PDLIM5: variants seen among roughly 807,000 people sequenced by gnomAD.
The protein encoded by PDLIM5 is PDZ and LIM domain protein 5.
In PDLIM5, 34 loss-of-function variants were observed where a neutral mutation model predicts 64.2. The ratio of observed to expected loss-of-function variants is 0.53; its 90% confidence interval spans 0.40 to 0.71. The LOEUF is 0.71. Among genes scored for constraint, PDLIM5 ranks in the 30% least tolerant of loss-of-function variants. The pLI, the probability that PDLIM5 is intolerant of heterozygous loss-of-function variation, is 0.00. For synonymous variants in PDLIM5, 253 were observed against 269.1 expected, an observed-to-expected ratio of 0.94 and a Z score of 0.59; for missense variants, 683 against 733.6, an observed-to-expected ratio of 0.93 and a Z score of 0.80.
At chr4:94,509,139 A>G (rs192475823) in intron 2 of PDLIM5, among the ~76,000 whole-genome samples, 3 of 152,304 alleles carry the variant, frequency 2.0e-5, no homozygotes, top group Admixed American at 1.3e-4. Flanking sequence ...TCATTATATC[A>G]TAATGGCCCA....
chr4:94,525,277 G>A (rs994242521), intron 3 of PDLIM5, among the ~76,000 whole-genome samples: 1 of 152,010 alleles, frequency 6.6e-6, no homozygotes, highest in African/African-American at 2.4e-5. Context: ...AAATTAGATG[G>A]GTGTGGTGGT....
intron 3 of PDLIM5, among the ~76,000 whole-genome samples, chr4:94,564,414 C>G (rs547382628): frequency 2.0e-5 from 3 of 152,136 alleles, no homozygotes; most frequent in Non-Finnish European, 4.4e-5. Flanking sequence ...CCCACTGGTA[C>G]ATTCCTGCCT....
intron 5 of PDLIM5, among the ~76,000 whole-genome samples, chr4:94,581,798 T>C (rs967903763): frequency 9.9e-5 from 15 of 152,226 alleles, no homozygotes; most frequent in African/African-American, 3.4e-4. Flanking sequence ...TACTGTAATA[T>C]GAATGTGTTG....
intron 7 of PDLIM5, chr4:94,611,295 C>T (rs973358986): frequency 1.2e-5 from 13 of 1,077,490 alleles, no homozygotes; most frequent in Non-Finnish European, 1.7e-5. Context: ...CAGGTGAGAA[C>T]ATGCTAGAGT....
chr4:94,535,712 G>A (rs894826672), intron 3 of PDLIM5, among the ~76,000 whole-genome samples: 21 of 152,088 alleles, frequency 1.4e-4, no homozygotes, highest in Admixed American at 1.1e-3. Flanking sequence ...TTTAAGATTC[G>A]TGTTTCAGCA....
intron 8 of PDLIM5, among the ~76,000 whole-genome samples, chr4:94,632,879 A>G (rs1039156877): frequency 2.6e-5 from 4 of 152,120 alleles, no homozygotes; most frequent in African/African-American, 9.7e-5. Context: ...AAATAGCCCT[A>G]CCAACACCTT....
chr4:94,614,892 C>T (rs1256415325), intron 7 of PDLIM5, among the ~76,000 whole-genome samples: 1 of 151,958 alleles, frequency 6.6e-6, no homozygotes, highest in South Asian at 2.1e-4. Context: ...GGGTCAATAC[C>T]CTGCACCCAA....
chr4:94,491,828 A>G (rs1726901832), intron 2 of PDLIM5, among the ~76,000 whole-genome samples: 2 of 152,134 alleles, frequency 1.3e-5, no homozygotes, highest in Non-Finnish European at 2.9e-5. Context: ...GTTTTGATAT[A>G]TGTAAACAAT....
In PDLIM5 at chr4:94,508,816, A is replaced by G. The variant is rs1224882431; in HGVS notation, c.97-14908A>G. On this transcript the variant is annotated intron_variant, in intron 2 of 12. Transcript: ENST00000317968. ...AAAAACTGTGATTACTTTTGCACCAACCTAATATGACTTTTGGCAGCCTTG... is the reference window on the plus strand; with the variant it reads ...AAAAACTGTGATTACTTTTGCACCAGCCTAATATGACTTTTGGCAGCCTTG... Among the ~76,000 whole-genome samples, 4 of 152,186 alleles carry G rather than the reference A, an allele frequency of 2.6e-5. No individual in the cohort carries two copies. The East Asian group carries it at 5.8e-4, about 22-fold the overall frequency.
chr4:94,639,779 T>C (rs1740851304), intron 8 of PDLIM5, among the ~76,000 whole-genome samples: 1 of 152,158 alleles, frequency 6.6e-6, no homozygotes, highest in Non-Finnish European at 1.5e-5. Flanking sequence ...ACCTTAACCA[T>C]GTCTTCTCGT....
chr4:94,470,173 C>T (rs1724736369), intron 2 of PDLIM5, among the ~76,000 whole-genome samples: 1 of 151,916 alleles, frequency 6.6e-6, no homozygotes, highest in Non-Finnish European at 1.5e-5. Context: ...ACCATGTTAG[C>T]CAGTATGGTC....
chr4:94,578,801 A>G (rs1735497595), intron 5 of PDLIM5, among the ~76,000 whole-genome samples: 1 of 152,074 alleles, frequency 6.6e-6, no homozygotes, highest in South Asian at 2.1e-4. Flanking sequence ...GAGAGTTGTT[A>G]CCTTATATTT....
Position 94,664,119 on chromosome 4 carries a change from A to T in PDLIM5, c.*52A>T. 7.1e-7 allele frequency: 1 copy of T among 1,414,928 alleles called. No individual in the cohort carries two copies. The highest frequency in any genetic ancestry group is 9.5e-7 in the Non-Finnish European group (1 of 1,050,826). 87.6% of individuals were successfully genotyped at this position (1,414,928 alleles called of 1,614,324 possible). On this transcript the variant is annotated 3_prime_UTR_variant, in exon 13 of 13. Transcript: ENST00000317968. Reference sequence around the variant, plus strand: ...GAATTTGAAGAGAAAAAGGAAAATTAAAATTACTAATTAATTTTTAGATTC... The same window carrying T: ...GAATTTGAAGAGAAAAAGGAAAATTTAAATTACTAATTAATTTTTAGATTC...
intron 2 of PDLIM5, among the ~76,000 whole-genome samples, chr4:94,522,237 C>T (rs1332896908): frequency 1.3e-5 from 2 of 152,148 alleles, no homozygotes; most frequent in African/African-American, 2.4e-5. Context: ...GAACGACCTT[C>T]CCGAAGTCCC....
intron 7 of PDLIM5, among the ~76,000 whole-genome samples, chr4:94,604,756 A>G (rs1036181486): frequency 6.6e-6 from 1 of 152,232 alleles, no homozygotes; most frequent in African/African-American, 2.4e-5. Flanking sequence ...ATGCAAGATG[A>G]AAAACTTCTG....
chr4:94,457,564 GA>G (rs1271863225), intron 2 of PDLIM5, among the ~76,000 whole-genome samples: 3 of 151,856 alleles, frequency 2.0e-5, no homozygotes, highest in Non-Finnish European at 2.9e-5. Context: ...CTTTTTTGCT[GA>G]AAAAAAGTTC....
intron 5 of PDLIM5, 25 bp from the exon 6 acceptor site, chr4:94,585,540 A>ATT: frequency 1.8e-5 from 24 of 1,361,954 alleles, no homozygotes; most frequent in South Asian, 3.3e-5. Context: ...ACAATTTTTA[A>ATT]TTTTTTTTTT....
chr4:94,570,989 C>T (rs930978403), intron 3 of PDLIM5, among the ~76,000 whole-genome samples: 4 of 152,052 alleles, frequency 2.6e-5, no homozygotes, highest in Non-Finnish European at 5.9e-5. Context: ...AACACTAATG[C>T]GAACATTCAG....
intron 7 of PDLIM5, among the ~76,000 whole-genome samples, chr4:94,592,870 C>T (rs1736775686): frequency 6.6e-6 from 1 of 152,154 alleles, no homozygotes; most frequent in South Asian, 2.1e-4. Context: ...CCTCAGCCTC[C>T]CGAAGTCCTA....
Sources: allele counts gnomAD v4.1 joint callset (sites outside exome capture counted in the v4.1 genomes callset), GRCh38; gene constraint gnomAD v4.1.1; transcripts MANE v1.5; gene names NCBI Gene and HGNC (gene_info 2026-07-23, HGNC 2026-07-21).